Variants in PTCHD1 observed in about 807,000 individuals in gnomAD.
PTCHD1 encodes the protein patched domain containing 1.
Under a neutral mutation model 34.6 loss-of-function variants are expected in PTCHD1, and 3 were observed. The observed-to-expected ratio is 0.09, with a 90% CI of 0.04 to 0.22. The LOEUF (loss-of-function observed/expected upper bound fraction) is 0.22. PTCHD1 is among the 10% of genes least tolerant of loss of function. The pLI, the probability that PTCHD1 is intolerant of heterozygous loss-of-function variation, is 1.00. For missense variants in PTCHD1, 504 were observed against 685.5 expected (o/e 0.74, Z 2.96); for synonymous variants, 305 against 283.1 (o/e 1.08, Z -0.77).
Position 23,394,926 on chromosome X carries a change from A to G in PTCHD1, c.*741A>G, listed in dbSNP as rs1421615931. On this transcript the variant is annotated 3_prime_UTR_variant, in exon 3 of 3. Transcript: ENST00000379361. ...GTTTGCTTAAAACACCTTAAAACCA[A>G]TGACAGCTCCAGCACTGCAGAATTG... The G allele has an allele frequency of 8.9e-6, 1 of 112,913 alleles. No homozygotes were observed. The highest frequency in any genetic ancestry group is 3.2e-5 in the African/African-American group (1 of 31,047). 9.3% of individuals were successfully genotyped at this position (112,913 alleles called of 1,213,427 possible).
rs907848896 is a variant in PTCHD1 at position 23,380,259 on chromosome X, C to T, written c.1012+8C>T. 7.5e-6 allele frequency: 9 copies of T among 1,200,434 alleles called. No individual in the cohort carries two copies. The highest frequency in any genetic ancestry group is 1.0e-5 in the Non-Finnish European group (9 of 887,437). On this transcript the variant is annotated splice_region_variant and intron_variant, in intron 2 of 2. Coordinates refer to ENST00000379361, the MANE Select transcript of PTCHD1 (RefSeq NM_173495.3). ...TCCCTTTCGTCATGCTAGGTAATTA[C>T]TACTCTTCTTTCTTCTGTTTCCGCC...
At chrX:23,354,955 A>G (rs1352950753) in intron 1 of PTCHD1, among the ~76,000 whole-genome samples, 1 of 103,206 alleles carries the variant, frequency 9.7e-6, no homozygotes, top group Non-Finnish European at 1.9e-5. Flanking sequence ...AAGTCCACCC[A>G]GACATTGTTC....
chrX:23,390,773 A>G (rs1034760092), intron 2 of PTCHD1, among the ~76,000 whole-genome samples: 1 of 112,203 alleles, frequency 8.9e-6, no homozygotes, highest in Non-Finnish European at 1.9e-5. Context: ...AAGGATATAA[A>G]TACTAGCTTG....
intron 1 of PTCHD1, among the ~76,000 whole-genome samples, chrX:23,341,516 T>C (rs1316427409): frequency 8.9e-6 from 1 of 111,774 alleles, no homozygotes. Flanking sequence ...CCCCAAGTGA[T>C]ACTTGAGATA....
rs1173772368 is a variant in PTCHD1, at chrX:23,399,787, C to T, written c.*5602C>T. On this transcript the variant is annotated 3_prime_UTR_variant, in exon 3 of 3. Transcript: ENST00000379361. ...CAGGAAAGGAGCCCTCTGTACTGTG[C>T]TCTTGTTGGCAAGAGGAACACCAGG... 8.9e-6 allele frequency: 1 copy of T among 112,023 alleles called. No homozygotes were observed. The highest frequency in any genetic ancestry group is 1.9e-5 in the Non-Finnish European group (1 of 53,203). The allele number at this position is 112,023 out of a possible 1,213,427, so 9.2% of individuals were successfully genotyped here.
chrX:23,340,195 G>A (rs748507196), intron 1 of PTCHD1, among the ~76,000 whole-genome samples: 2 of 112,377 alleles, frequency 1.8e-5, no homozygotes, highest in East Asian at 5.5e-4. Context: ...CTTTGATTAT[G>A]TAAAATGAAA....
intron 2 of PTCHD1, among the ~76,000 whole-genome samples, chrX:23,387,060 C>G (rs887709857): frequency 8.9e-6 from 1 of 112,231 alleles, no homozygotes; most frequent in African/African-American, 3.2e-5. Flanking sequence ...ATCTGACTTA[C>G]AAAATCCAGA....
rs1175596417 is a variant in PTCHD1 at position 23,392,891 on chromosome X, G to A, written c.1373G>A (p.Arg458Lys). ...EALQEKPAWY[R>K]FLLTARFSED... is the part of the protein sequence containing the mutation. ...TTGCAGGAGAAGCCGGCATGGTACA[G>A]GTTTCTCCTGACGGCCAGATTCAGT... The change falls in exon 3 of 3, where the codon AGG becomes AAG. Residue 458 changes from arginine (R) to lysine (K), a missense_variant. Coordinates refer to ENST00000379361, the MANE Select transcript of PTCHD1 (RefSeq NM_173495.3). The A allele has an allele frequency of 3.3e-6, 4 of 1,210,894 alleles. No individual in the cohort carries two copies. Among genetic ancestry groups the A allele is most frequent in the East Asian group, 3.0e-5 (1 of 33,809 alleles).
chrX:23,356,792 C>T (rs1396277973), intron 1 of PTCHD1, among the ~76,000 whole-genome samples: 2 of 111,969 alleles, frequency 1.8e-5, no homozygotes, highest in African/African-American at 3.2e-5. Flanking sequence ...AAAACCATCA[C>T]GCACTTCACA....
chrX:23,354,142 G>A (rs766147487), intron 1 of PTCHD1, among the ~76,000 whole-genome samples: 6 of 111,297 alleles, frequency 5.4e-5, no homozygotes, highest in Non-Finnish European at 5.7e-5. Context: ...TCAGGCCGAG[G>A]AAGCGGGAAG....
chrX:23,387,129 C>CA lies in PTCHD1; in HGVS notation c.1013-5395dup, dbSNP rs769938532. The stretch of plus-strand genomic sequence containing the variant: ...TTATTCATTGAAAACCAAACAACAA[C>CA]AAAAAAATCACCCAGACTGTCTCCA... On this transcript the variant is annotated intron_variant, in intron 2 of 2. Transcript: ENST00000379361. 8.0e-5 allele frequency among the ~76,000 whole-genome samples: 9 copies of CA among 112,169 alleles called. No individual in the cohort carries two copies. In the Admixed American group the frequency reaches 8.5e-4, roughly 11 times the overall value.
intron 1 of PTCHD1, among the ~76,000 whole-genome samples, chrX:23,365,620 A>C (rs1014826196): frequency 9.0e-6 from 1 of 111,705 alleles, no homozygotes; most frequent in African/African-American, 3.3e-5. Flanking sequence ...ACTCACCCCA[A>C]AGTGATCCCA....
rs1418406615 is a variant in PTCHD1 at position 23,402,188 on chromosome X, A to G, written c.*8003A>G. Reference sequence around the variant, plus strand: ...GGTGCATTTCATCAACCTCAAGGAAAGGAAGTGCCATGCATGGAGGCCTGG... The same window carrying G: ...GGTGCATTTCATCAACCTCAAGGAAGGGAAGTGCCATGCATGGAGGCCTGG... On this transcript the variant is annotated 3_prime_UTR_variant, in exon 3 of 3. Transcript: ENST00000379361. 1 of 111,615 alleles carries G rather than the reference A, an allele frequency of 9.0e-6. No individual in the cohort carries two copies. Among genetic ancestry groups the G allele is most frequent in the African/African-American group, 3.3e-5 (1 of 30,703 alleles). The allele number at this position is 111,615 out of a possible 1,213,427, so 9.2% of individuals were successfully genotyped here. A position where few individuals can be genotyped will look rare whatever the true frequency, so the allele number is the denominator to read the frequency against.
Position 23,351,539 on chromosome X carries a change from A to C in PTCHD1, c.351+16313A>C. 3 of 320,139 alleles carry C rather than the reference A, an allele frequency of 9.4e-6. No individual in the cohort carries two copies. In the South Asian group the frequency reaches 2.0e-4, roughly 21 times the overall value. The allele number at this position is 320,139 out of a possible 1,213,427, so 26.4% of individuals were successfully genotyped here. ...CCATTTAAAAGTATGAAGTCAAAGA[A>C]TCATGAAACCTAGGTTTAAAAACTT... On this transcript the variant is annotated intron_variant, in intron 1 of 2. Coordinates refer to ENST00000379361, the MANE Select transcript of PTCHD1 (RefSeq NM_173495.3).
At chrX:23,356,795 A>T (rs1921817370) in intron 1 of PTCHD1, among the ~76,000 whole-genome samples, 1 of 111,931 alleles carries the variant, frequency 8.9e-6, no homozygotes, top group Non-Finnish European at 1.9e-5. Flanking sequence ...ACCATCACGC[A>T]CTTCACAAAT....
chrX:23,369,576 A>G (rs1011046451), intron 1 of PTCHD1, among the ~76,000 whole-genome samples: 2 of 111,469 alleles, frequency 1.8e-5, no homozygotes, highest in African/African-American at 3.3e-5. Context: ...TGGAGGGGTA[A>G]TATCTACCTC....
At chrX:23,347,996 T>G (rs1921522354) in intron 1 of PTCHD1, among the ~76,000 whole-genome samples, 1 of 109,128 alleles carries the variant, frequency 9.2e-6, no homozygotes, top group Non-Finnish European at 1.9e-5. Flanking sequence ...GGTAACAGAG[T>G]GAGATCCTGT....
At chrX:23,376,545 T>C (rs1265308686) in intron 1 of PTCHD1, among the ~76,000 whole-genome samples, 1 of 112,256 alleles carries the variant, frequency 8.9e-6, no homozygotes, top group Non-Finnish European at 1.9e-5. Context: ...AGGTAGATGT[T>C]CAGGTAGCAT....
At chrX:23,344,626 A>T (rs7879275) in intron 1 of PTCHD1, among the ~76,000 whole-genome samples, 23,998 of 110,864 alleles carry the variant, frequency 0.22, 2,385 homozygotes, top group East Asian at 0.54. Flanking sequence ...CAGCTCCTCT[A>T]CCTGCAGAAA....
Sources: allele counts gnomAD v4.1 joint callset (sites outside exome capture counted in the v4.1 genomes callset), GRCh38; gene constraint gnomAD v4.1.1; transcripts MANE v1.5; gene names NCBI Gene and HGNC (gene_info 2026-07-23, HGNC 2026-07-21).